The following RAPGEF4 variants were observed in gnomAD, a reference collection of about 807,000 sequenced individuals.
RAPGEF4 encodes Rap guanine nucleotide exchange factor 4.
Under a neutral mutation model 147.9 loss-of-function variants are expected in RAPGEF4, and 66 were observed. The ratio of observed to expected loss-of-function variants is 0.45; its 90% CI spans 0.37 to 0.55. The LOEUF is 0.55. Ranked by LOEUF, RAPGEF4 falls within the 20% of genes least tolerant of loss-of-function variation. The pLI is 0.00. For synonymous variants in RAPGEF4, 419 were observed against 442.7 expected (o/e 0.95, Z 0.67); for missense variants, 1,071 against 1,257.3 (o/e 0.85, Z 2.24).
At chr2:173,003,702 TTTTC>T (rs968910958) in intron 17 of RAPGEF4, among the ~76,000 whole-genome samples, 1 of 62,306 alleles carries the variant, frequency 1.6e-5, no homozygotes, top group African/African-American at 5.7e-5. Flanking sequence ...TGCCTTTTTT[TTTTC>T]TCTCTCTCTC....
chr2:172,809,479 C>T (rs1044658361), intron 3 of RAPGEF4, among the ~76,000 whole-genome samples: 1 of 152,126 alleles, frequency 6.6e-6, no homozygotes, highest in African/African-American at 2.4e-5. Context: ...GGTCAGAACT[C>T]AGTTATTAGA....
chr2:173,017,907 G>A lies in RAPGEF4; in HGVS notation c.2008+403G>A, dbSNP rs546455136. The stretch of plus-strand genomic sequence containing the variant: ...CTGGCCCTGAGCCCAGCCCTGAGCA[G>A]GGAGGCTTTACATCAGGAAGATCAA... On this transcript the variant is annotated intron_variant, in intron 21 of 30. Transcript: ENST00000397081. 7.9e-5 allele frequency among the ~76,000 whole-genome samples: 12 copies of A among 152,278 alleles called. No individual in the cohort carries two copies. In the South Asian group the frequency reaches 2.5e-3, roughly 32 times the overall value.
intron 4 of RAPGEF4, among the ~76,000 whole-genome samples, chr2:172,891,157 A>T (rs1697863207): frequency 6.6e-6 from 1 of 152,120 alleles, no homozygotes; most frequent in Non-Finnish European, 1.5e-5. Context: ...GAATTTCAAG[A>T]TGGTAACAGC....
chr2:172,941,788 A>T (rs1277198738), intron 6 of RAPGEF4, among the ~76,000 whole-genome samples: 1 of 152,198 alleles, frequency 6.6e-6, no homozygotes, highest in African/African-American at 2.4e-5. Flanking sequence ...TACTTAAACT[A>T]AGACTCAGAT....
intron 1 of RAPGEF4, among the ~76,000 whole-genome samples, chr2:172,769,827 A>C (rs2149485916): frequency 6.6e-6 from 1 of 152,304 alleles, no homozygotes; most frequent in African/African-American, 2.4e-5. Context: ...CATTAAAAAA[A>C]CTGAAATTCA....
chr2:172,827,138 C>T (rs193185473), intron 4 of RAPGEF4, among the ~76,000 whole-genome samples: 14 of 152,156 alleles, frequency 9.2e-5, no homozygotes, highest in Admixed American at 8.5e-4. Flanking sequence ...GTGATCATTA[C>T]TAAATGAAAA....
chr2:172,848,544 A>G (rs1484194348), intron 4 of RAPGEF4, among the ~76,000 whole-genome samples: 1 of 152,182 alleles, frequency 6.6e-6, no homozygotes, highest in Admixed American at 6.5e-5. Context: ...CTTTAATGAA[A>G]CACTGGGGTG....
intron 8 of RAPGEF4, among the ~76,000 whole-genome samples, chr2:172,962,024 A>C (rs1049940060): frequency 2.0e-5 from 3 of 152,194 alleles, no homozygotes; most frequent in Admixed American, 2.0e-4. Context: ...AAAGGCAGAG[A>C]TTTCATGGTT....
At chr2:172,842,730 C>G (rs909528659) in intron 4 of RAPGEF4, among the ~76,000 whole-genome samples, 3 of 152,210 alleles carry the variant, frequency 2.0e-5, no homozygotes, top group Non-Finnish European at 4.4e-5. Flanking sequence ...TTATGACCTG[C>G]CTTGGAAGTC....
In RAPGEF4 at chr2:173,024,378, C is replaced by T. The variant is rs537250946; in HGVS notation, c.2254-2194C>T. On this transcript the variant is annotated intron_variant, in intron 23 of 30. Transcript: ENST00000397081. The stretch of plus-strand genomic sequence containing the variant: ...GACTACAGGCGCCCGCCACTACGCC[C>T]GGCTAATTTTTTGTATTTTTAGTAG... Among the ~76,000 whole-genome samples the T allele has an allele frequency of 2.4e-4, 36 of 149,558 alleles. 6 individuals carry two copies. Among genetic ancestry groups the T allele is most frequent in the South Asian group, 1.3e-3 (6 of 4,524 alleles).
At chr2:173,027,051 T>C (rs1052909930) in intron 24 of RAPGEF4, 30 bp from the exon 25 acceptor site, 2 of 1,542,868 alleles carry the variant, frequency 1.3e-6, no homozygotes, top group Non-Finnish European at 1.7e-6. Flanking sequence ...TAAAAAAAAA[T>C]AAGCAAAATT....
At chr2:172,739,929 ATT>A (rs527851950) in intron 1 of RAPGEF4, among the ~76,000 whole-genome samples, 35 of 152,372 alleles carry the variant, frequency 2.3e-4, no homozygotes, top group African/African-American at 8.2e-4. Context: ...TGGTTTTCAC[ATT>A]CCTGAATGGT....
chr2:172,831,817 C>T (rs756036265), intron 4 of RAPGEF4, among the ~76,000 whole-genome samples: 3 of 152,208 alleles, frequency 2.0e-5, no homozygotes, highest in South Asian at 2.1e-4. Flanking sequence ...TTTTCGAAGA[C>T]GTTATCCCTG....
In RAPGEF4 at chr2:172,931,179, G is replaced by C. The variant is rs1272624983; in HGVS notation, c.537+8879G>C. 5.6e-5 allele frequency among the ~76,000 whole-genome samples: 6 copies of C among 106,562 alleles called. 1 individual carries two copies. Among genetic ancestry groups the C allele is most frequent in the Non-Finnish European group, 1.0e-4 (5 of 49,144 alleles). 69.9% of individuals were successfully genotyped at this position (106,562 alleles called of 152,430 possible). ...GATCAAGCCAGGCCGGGGTGGGGGGGGGGGGCGCTGGGGGGCGGGGGGACT... is the reference window on the plus strand; with the variant it reads ...GATCAAGCCAGGCCGGGGTGGGGGGCGGGGGCGCTGGGGGGCGGGGGGACT... On this transcript the variant is annotated intron_variant, in intron 6 of 30. Transcript: ENST00000397081.
intron 1 of RAPGEF4, among the ~76,000 whole-genome samples, chr2:172,773,282 A>G (rs910221099): frequency 6.6e-6 from 1 of 152,228 alleles, no homozygotes; most frequent in Non-Finnish European, 1.5e-5. Flanking sequence ...GTTTACTATT[A>G]CAATCAAATA....
chr2:172,818,326 C>G (rs928020246), intron 4 of RAPGEF4, among the ~76,000 whole-genome samples: 1 of 152,004 alleles, frequency 6.6e-6, no homozygotes, highest in African/African-American at 2.4e-5. Context: ...CCCCAAAAAC[C>G]TATTGGAATT....
chr2:172,768,581 C>T (rs957805979), intron 1 of RAPGEF4, among the ~76,000 whole-genome samples: 6 of 151,744 alleles, frequency 4.0e-5, no homozygotes, highest in African/African-American at 9.7e-5. Context: ...AGTACTCAGG[C>T]GGAAGAGTGC....
intron 17 of RAPGEF4, among the ~76,000 whole-genome samples, chr2:173,004,557 T>C (rs749740132): frequency 6.6e-6 from 1 of 152,088 alleles, no homozygotes; most frequent in Non-Finnish European, 1.5e-5. Context: ...GAGATCATAC[T>C]GTAAATAATT....
intron 4 of RAPGEF4, among the ~76,000 whole-genome samples, chr2:172,871,821 C>T (rs1200716000): frequency 6.6e-6 from 1 of 151,918 alleles, no homozygotes; most frequent in Admixed American, 6.6e-5. Context: ...TTTTACATGG[C>T]TGTTTAATCC....
Sources: gnomAD v4.1 joint callset for allele counts (sites outside exome capture counted in the v4.1 genomes callset) on GRCh38, gnomAD v4.1.1 for gene constraint, MANE v1.5 for transcripts, NCBI Gene and HGNC (gene_info 2026-07-23, HGNC 2026-07-21) for gene names.